MECOM: variants seen among roughly 807,000 people sequenced by gnomAD.
The protein encoded by MECOM is histone-lysine N-methyltransferase MECOM.
In MECOM, 13 loss-of-function variants were observed where a neutral mutation model predicts 116.3. That is an observed-to-expected ratio of 0.11 (90% CI 0.07 to 0.18). The LOEUF is 0.18. Among genes scored for constraint, MECOM ranks in the 10% least tolerant of loss-of-function variants. MECOM has a pLI of 1.00. For missense variants in MECOM, 1,299 were observed against 1,509.0 expected, an observed-to-expected ratio of 0.86 and a Z score of 2.31; for synonymous variants, 528 against 535.2, an observed-to-expected ratio of 0.99 and a Z score of 0.19.
chr3:169,149,031 C>T (rs1482790900), intron 2 of MECOM, among the ~76,000 whole-genome samples: 1 of 151,058 alleles, frequency 6.6e-6, no homozygotes, highest in Non-Finnish European at 1.5e-5. Flanking sequence ...TGGTTCGTGG[C>T]CATTGATTTC....
intron 2 of MECOM, among the ~76,000 whole-genome samples, chr3:169,310,696 T>C (rs562525404): frequency 6.6e-6 from 1 of 152,294 alleles, no homozygotes; most frequent in Admixed American, 6.5e-5. Context: ...TGATCTACAG[T>C]CTCCTCAGCA....
At chr3:169,293,210 T>C (rs1297659023) in intron 2 of MECOM, among the ~76,000 whole-genome samples, 3 of 152,190 alleles carry the variant, frequency 2.0e-5, no homozygotes, top group Non-Finnish European at 4.4e-5. Flanking sequence ...ATCATGACTC[T>C]TGGAATTCCA....
chr3:169,239,745 T>A (rs1349641053), intron 2 of MECOM, among the ~76,000 whole-genome samples: 1 of 152,130 alleles, frequency 6.6e-6, no homozygotes, highest in Non-Finnish European at 1.5e-5. Context: ...AAACCTCAGT[T>A]ACATTTTAAA....
intron 2 of MECOM, among the ~76,000 whole-genome samples, chr3:169,350,926 A>G: frequency 6.6e-6 from 1 of 151,994 alleles, no homozygotes; most frequent in South Asian, 2.1e-4. Flanking sequence ...TGAAGCACCC[A>G]TGCTACTCAA....
Position 169,302,496 on chromosome 3 carries a change from A to G in MECOM, c.375+78691T>C, listed in dbSNP as rs9826393. On this transcript the variant is annotated intron_variant, in intron 2 of 16. Coordinates refer to ENST00000651503, the MANE Select transcript of MECOM (RefSeq NM_004991.4). ...ATTACATTATAATTATCGCCTGGTT[A>G]ATATTGATTGAAAGAATGAATAGAA... Among the ~76,000 whole-genome samples, 504 of 152,350 alleles carry G rather than the reference A, an allele frequency of 3.3e-3. 2 individuals are homozygous for G. The highest frequency in any genetic ancestry group is 0.012 in the African/African-American group (486 of 41,586).
intron 2 of MECOM, among the ~76,000 whole-genome samples, chr3:169,211,224 C>T (rs1056291237): frequency 1.3e-5 from 2 of 152,068 alleles, no homozygotes; most frequent in Non-Finnish European, 2.9e-5. Flanking sequence ...GCAACGTGTG[C>T]GATCTCTCTC....
At chr3:169,427,476 A>G (rs1374335965) in intron 1 of MECOM, among the ~76,000 whole-genome samples, 1 of 152,176 alleles carries the variant, frequency 6.6e-6, no homozygotes, top group African/African-American at 2.4e-5. Flanking sequence ...AAAGGAAGTC[A>G]TTGTCCTTAC....
At chr3:169,563,241 G>C (rs1439603084) in intron 1 of MECOM, among the ~76,000 whole-genome samples, 2 of 152,178 alleles carry the variant, frequency 1.3e-5, no homozygotes, top group African/African-American at 4.8e-5. Flanking sequence ...ATCACCAGCA[G>C]ACTGCTCTGC....
intron 1 of MECOM, among the ~76,000 whole-genome samples, chr3:169,640,053 C>A (rs1308620731): frequency 6.6e-6 from 1 of 152,132 alleles, no homozygotes; most frequent in Non-Finnish European, 1.5e-5. Context: ...ATCTTAAAAA[C>A]TTCTGTTGCG....
chr3:169,485,898 ATATAG>A (rs1752116560), intron 1 of MECOM, among the ~76,000 whole-genome samples: 1 of 138,690 alleles, frequency 7.2e-6, no homozygotes, highest in Non-Finnish European at 1.5e-5. Flanking sequence ...TATATAGTAT[ATATAG>A]TATATATGTA....
chr3:169,247,309 T>G (rs1454139867), intron 2 of MECOM, among the ~76,000 whole-genome samples: 1 of 142,536 alleles, frequency 7.0e-6, no homozygotes, highest in Non-Finnish European at 1.5e-5. Context: ...ATACTTTTTT[T>G]TTTCTTTTTT....
At chr3:169,354,650 A>G (rs746640094) in intron 2 of MECOM, among the ~76,000 whole-genome samples, 1 of 152,080 alleles carries the variant, frequency 6.6e-6, no homozygotes, top group Admixed American at 6.6e-5. Flanking sequence ...TTCGTGTTTT[A>G]TGGCTAATCA....
At chr3:169,114,287 T>C (rs1049238724) in intron 8 of MECOM, among the ~76,000 whole-genome samples, 5 of 152,188 alleles carry the variant, frequency 3.3e-5, no homozygotes, top group African/African-American at 1.2e-4. Context: ...CTGACAGCAC[T>C]GAGTTATTTT....
chr3:169,496,638 C>A (rs1447472881), intron 1 of MECOM, among the ~76,000 whole-genome samples: 2 of 152,206 alleles, frequency 1.3e-5, no homozygotes, highest in East Asian at 3.8e-4. Context: ...CCTGCAATGA[C>A]TTCAAATTCT....
intron 1 of MECOM, among the ~76,000 whole-genome samples, chr3:169,519,168 G>C (rs1390612432): frequency 1.3e-5 from 2 of 152,112 alleles, no homozygotes; most frequent in East Asian, 3.9e-4. Context: ...TTTAAAAGTA[G>C]AAAAATATTT....
At chr3:169,103,535 G>A (rs1724306460) in intron 10 of MECOM, among the ~76,000 whole-genome samples, 1 of 152,152 alleles carries the variant, frequency 6.6e-6, no homozygotes, top group African/African-American at 2.4e-5. Flanking sequence ...AAATCTCAAA[G>A]AGCTGTGATG....
intron 1 of MECOM, among the ~76,000 whole-genome samples, chr3:169,412,322 A>G (rs559064898): frequency 6.6e-6 from 1 of 151,638 alleles, no homozygotes; most frequent in Non-Finnish European, 1.5e-5. Flanking sequence ...AATTAAAAAG[A>G]TAAAAATAAA....
At position 169,611,251 on chromosome 3, in the gene MECOM, G is replaced by A. The variant is rs1406129911; in HGVS notation, c.37+52085C>T. Among the ~76,000 whole-genome samples the A allele has an allele frequency of 6.6e-6, 1 of 152,186 alleles. No homozygotes were observed. Among genetic ancestry groups the A allele is most frequent in the African/African-American group, 2.4e-5 (1 of 41,440 alleles). On this transcript the variant is annotated intron_variant, in intron 1 of 16. Coordinates refer to ENST00000651503, the MANE Select transcript of MECOM (RefSeq NM_004991.4). The surrounding 1 kb of genome is among the most constrained non-coding windows in gnomAD (Gnocchi z 4.1). ...GCAAATTCACCAAGAGTGACAGATA[G>A]TGCCTCGGGCACTGCCACTGTCTCT...
At chr3:169,290,291 A>G (rs970423465) in intron 2 of MECOM, among the ~76,000 whole-genome samples, 9 of 152,292 alleles carry the variant, frequency 5.9e-5, no homozygotes, top group African/African-American at 1.9e-4. Flanking sequence ...ATCAAGGTTA[A>G]TTTGTATGTT....
Sources: gnomAD v4.1 joint callset for allele counts (sites outside exome capture counted in the v4.1 genomes callset) on GRCh38, gnomAD v4.1.1 for gene constraint, Gnocchi (gnomAD v3.1) non-coding constraint, MANE v1.5 for transcripts, NCBI Gene and HGNC (gene_info 2026-07-23, HGNC 2026-07-21) for gene names.